Variants in DAPK1 observed in about 807,000 individuals in gnomAD.
DAPK1 encodes death associated protein kinase 1, also known as death-associated protein kinase 1.
Under a neutral mutation model 144.9 loss-of-function variants are expected in DAPK1, and 56 were observed. The ratio of observed to expected loss-of-function variants is 0.39; its 90% CI spans 0.31 to 0.48. The LOEUF (loss-of-function observed/expected upper bound fraction) is 0.48. Among genes scored for constraint, DAPK1 ranks in the 20% least tolerant of loss-of-function variants. The probability of loss-of-function intolerance (pLI) is 0.95; values close to 1 mark genes in which losing one functional copy is unlikely to be tolerated. For missense variants in DAPK1, 1,454 were observed against 1,875.4 expected, an observed-to-expected ratio of 0.78 and a Z score of 4.15; for synonymous variants, 690 against 749.0, an observed-to-expected ratio of 0.92 and a Z score of 1.29.
intron 19 of DAPK1, among the ~76,000 whole-genome samples, chr9:87,675,737 C>T (rs954415772): frequency 3.3e-5 from 5 of 151,784 alleles, no homozygotes; most frequent in Non-Finnish European, 5.9e-5. Flanking sequence ...TGGGGCTGTC[C>T]AGGCTCTATT....
Position 87,707,035 on chromosome 9 carries a change from C to G in DAPK1, c.3964C>G (p.Pro1322Ala). Reference sequence around the variant, plus strand: ...GAGTCGCCTGCTGGACCCGCCCGACCCCCTGGGGAAGGACTGGTGCCTTCT... The same window carrying G: ...GAGTCGCCTGCTGGACCCGCCCGACGCCCTGGGGAAGGACTGGTGCCTTCT... ...KLSRLLDPPDPLGKDWCLLAM... is the reference protein window; with the variant it reads ...KLSRLLDPPDALGKDWCLLAM... The change falls in exon 26 of 26, where the codon CCC (proline) becomes GCC (alanine). Residue 1322 changes from proline to alanine, a missense_variant. Around this residue, in one of 2 missense-constraint regions of DAPK1, gnomAD observed 1,025 missense variants for 1,237.9 expected, o/e 0.83. Transcript: ENST00000408954. The surrounding 1 kb of genome is among the most constrained non-coding windows in gnomAD (Gnocchi z 4.0). 3 of 1,613,790 alleles carry G rather than the reference C, an allele frequency of 1.9e-6. No individual in the cohort carries two copies. Among genetic ancestry groups the G allele is most frequent in the Non-Finnish European group, 2.5e-6 (3 of 1,179,882 alleles).
intron 2 of DAPK1, among the ~76,000 whole-genome samples, chr9:87,512,864 C>CTCCT (rs1824902618): frequency 6.6e-6 from 1 of 152,120 alleles, no homozygotes; most frequent in Admixed American, 6.5e-5. Context: ...TGGTCTCGAA[C>CTCCT]TCCTGACCTC....
chr9:87,634,026 G>C (rs963666569), intron 3 of DAPK1, among the ~76,000 whole-genome samples: 2 of 152,254 alleles, frequency 1.3e-5, no homozygotes, highest in Admixed American at 6.5e-5. Flanking sequence ...AGGTTGGGCT[G>C]TGATGACCTA....
intron 3 of DAPK1, among the ~76,000 whole-genome samples, chr9:87,634,576 A>C (rs1349270567): frequency 6.6e-6 from 1 of 152,192 alleles, no homozygotes; most frequent in African/African-American, 2.4e-5. Context: ...GATTCAAGAG[A>C]TGGAGCCACA....
chr9:87,585,656 A>G (rs1827921224), intron 2 of DAPK1, among the ~76,000 whole-genome samples: 1 of 152,236 alleles, frequency 6.6e-6, no homozygotes, highest in Non-Finnish European at 1.5e-5. Context: ...TGACTTCACA[A>G]CTATCTCTTC....
At chr9:87,696,616 G>A (rs1276000042) in intron 21 of DAPK1, among the ~76,000 whole-genome samples, 1 of 152,206 alleles carries the variant, frequency 6.6e-6, no homozygotes, top group Non-Finnish European at 1.5e-5. Flanking sequence ...TGGACACACG[G>A]GAAGGGACAA....
chr9:87,690,212 C>CTTGTGCTTTGAT (rs1825008149), intron 21 of DAPK1, among the ~76,000 whole-genome samples: 3 of 151,992 alleles, frequency 2.0e-5, no homozygotes, highest in Admixed American at 6.5e-5. Context: ...TTGTAGGGGT[C>CTTGTGCTTTGAT]TTTCACCTCT....
In DAPK1 at chr9:87,548,913, C is replaced by CTTTTTTTTTTTTTTTTTTT. The variant is rs11291160; in HGVS notation, c.62+49783_62+49801dup. ...ACCACCCACTGAGTGGATTTCATTC[C>CTTTTTTTTTTTTTTTTTTT]TTTTTTTTTTTTTTTTTTTTTTTTT... On this transcript the variant is annotated intron_variant, in intron 2 of 25. Transcript: ENST00000408954. Among the ~76,000 whole-genome samples, 7 of 63,868 alleles carry CTTTTTTTTTTTTTTTTTTT rather than the reference C, an allele frequency of 1.1e-4. 1 individual carries two copies. The highest frequency in any genetic ancestry group is 1.8e-4 in the Non-Finnish European group (7 of 37,942). The allele number at this position is 63,868 out of a possible 152,430, so 41.9% of individuals were successfully genotyped here.
At chr9:87,514,245 G>C (rs1199389361) in intron 2 of DAPK1, among the ~76,000 whole-genome samples, 1 of 152,224 alleles carries the variant, frequency 6.6e-6, no homozygotes, top group Non-Finnish European at 1.5e-5. Flanking sequence ...TGGGTGTCCA[G>C]AGCTGGTGAG....
chr9:87,643,320 A>G, intron 10 of DAPK1, 56 bp from the exon 11 acceptor site: 2 of 1,051,814 alleles, frequency 1.9e-6, no homozygotes, highest in Non-Finnish European at 2.7e-6. Context: ...TCCTCCTCTC[A>G]CCCTGCCTTT....
intron 2 of DAPK1, among the ~76,000 whole-genome samples, chr9:87,570,723 A>T (rs1169896175): frequency 6.6e-6 from 1 of 152,216 alleles, no homozygotes; most frequent in African/African-American, 2.4e-5. Flanking sequence ...AGAAGATTTC[A>T]TTCCAAAGAT....
In DAPK1 at chr9:87,703,215, G is replaced by T; in HGVS notation, c.3058G>T (p.Glu1020Ter). The change falls in exon 25 of 26, where the codon GAG becomes TAG. Residue 1020 changes from glutamate to a stop codon, truncating the protein, a stop_gained and splice_region_variant. Transcript: ENST00000408954. LOFTEE classifies it high-confidence loss of function. Reference sequence around the variant, plus strand: ...TGCTCAGCAGCTCCACAGCACAGGCGAGGTGAGCCCCTGGGAGCCCAGGCA... The same window carrying T: ...TGCTCAGCAGCTCCACAGCACAGGCTAGGTGAGCCCCTGGGAGCCCAGGCA... ...RIAQQLHSTG[E>*]INIMQSETVQ... 2 of 1,601,318 alleles carry T rather than the reference G, an allele frequency of 1.2e-6. No individual in the cohort carries two copies. The highest frequency in any genetic ancestry group is 8.6e-7 in the Non-Finnish European group (1 of 1,168,632).
chr9:87,561,383 G>A (rs1826915206), intron 2 of DAPK1, among the ~76,000 whole-genome samples: 1 of 152,098 alleles, frequency 6.6e-6, no homozygotes, highest in Admixed American at 6.5e-5. Flanking sequence ...AAAATTAGCC[G>A]GGCGTTGTGG....
chr9:87,517,503 C>G (rs187175515), intron 2 of DAPK1, among the ~76,000 whole-genome samples: 1 of 152,230 alleles, frequency 6.6e-6, no homozygotes, highest in East Asian at 1.9e-4. Context: ...TGTAATCATT[C>G]TTTTGTTCCC....
chr9:87,512,041 A>AT (rs79782480), intron 2 of DAPK1, among the ~76,000 whole-genome samples: 34,460 of 151,938 alleles, frequency 0.23, 4,289 homozygotes, highest in East Asian at 0.42. Flanking sequence ...TGCTTTTTCA[A>AT]GAGAAACCAT....
chr9:87,611,898 G>T (rs1234799660), intron 3 of DAPK1, among the ~76,000 whole-genome samples: 1 of 152,192 alleles, frequency 6.6e-6, no homozygotes, highest in Non-Finnish European at 1.5e-5. Flanking sequence ...GAAGTGCTAT[G>T]TCCCTGTCTT....
intron 2 of DAPK1, among the ~76,000 whole-genome samples, chr9:87,582,178 G>A (rs373103967): frequency 6.6e-6 from 1 of 152,006 alleles, no homozygotes; most frequent in East Asian, 1.9e-4. Context: ...TCTGAAATGG[G>A]TCTACGTAAA....
chr9:87,520,989 A>T (rs535231687), intron 2 of DAPK1, among the ~76,000 whole-genome samples: 13 of 152,328 alleles, frequency 8.5e-5, no homozygotes, highest in African/African-American at 2.9e-4. Flanking sequence ...CAATGGTTTG[A>T]CAGAGTTGCA....
At chr9:87,532,280 G>A (rs1164045980) in intron 2 of DAPK1, among the ~76,000 whole-genome samples, 1 of 152,128 alleles carries the variant, frequency 6.6e-6, no homozygotes, top group African/African-American at 2.4e-5. Flanking sequence ...ACAGTATTTT[G>A]TGCCACATGA....
Sources: allele counts gnomAD v4.1 joint callset (sites outside exome capture counted in the v4.1 genomes callset), GRCh38; gene constraint gnomAD v4.1.1; regional missense constraint gnomAD v4.1.1; non-coding constraint Gnocchi (gnomAD v3.1); transcripts MANE v1.5; gene names NCBI Gene and HGNC (gene_info 2026-07-23, HGNC 2026-07-21).